The following NWD2 variants were observed in gnomAD, a reference collection of about 807,000 sequenced individuals.
NWD2 encodes NACHT and WD repeat domain-containing protein 2.
NWD2 carries 37 observed loss-of-function variants against 132.7 expected under a neutral mutation model. That is an observed-to-expected ratio of 0.28 (90% CI 0.21 to 0.37). The LOEUF is 0.37. Ranked by LOEUF, NWD2 falls within the 10% of genes least tolerant of loss-of-function variation. The pLI is 1.00. For missense variants in NWD2, 1,592 were observed against 2,122.4 expected (o/e 0.75, Z 4.91); for synonymous variants, 705 against 803.0 (o/e 0.88, Z 2.06).
chr4:37,394,146 A>T (rs1218604492), intron 3 of NWD2, among the ~76,000 whole-genome samples: 1 of 152,262 alleles, frequency 6.6e-6, no homozygotes, highest in Admixed American at 6.5e-5. Flanking sequence ...TCTATCTAGC[A>T]TCTGTTTAGA....
intron 3 of NWD2, among the ~76,000 whole-genome samples, chr4:37,400,806 G>A (rs1720883000): frequency 6.6e-6 from 1 of 152,128 alleles, no homozygotes; most frequent in South Asian, 2.1e-4. Flanking sequence ...GTTTTGCTGT[G>A]GTTCTTACGT....
intron 1 of NWD2, among the ~76,000 whole-genome samples, chr4:37,292,416 C>G (rs1211648914): frequency 6.6e-6 from 1 of 152,172 alleles, no homozygotes; most frequent in Non-Finnish European, 1.5e-5. Flanking sequence ...GAGGCACCAT[C>G]TATGAAGCGG....
intron 2 of NWD2, among the ~76,000 whole-genome samples, chr4:37,326,900 A>T (rs73130330): frequency 0.11 from 17,338 of 152,118 alleles, 1,090 homozygotes; most frequent in East Asian, 0.2. Context: ...TATACTCCTG[A>T]TGCCTTCTAA....
At position 37,245,008 on chromosome 4, in the gene NWD2, G is replaced by C; in HGVS notation, c.-60G>C. 1 of 1,535,028 alleles carries C rather than the reference G, an allele frequency of 6.5e-7. No individual in the cohort carries two copies. Among genetic ancestry groups the C allele is most frequent in the South Asian group, 1.2e-5 (1 of 83,402 alleles). On this transcript the variant is annotated 5_prime_UTR_variant, in exon 1 of 7. Transcript: ENST00000309447. ...GCTGAGCCGTTCCGTGGAGCTGCGGGCAGGAACCCGAGGAGCAGGAGGTGG... is the reference window on the plus strand; with the variant it reads ...GCTGAGCCGTTCCGTGGAGCTGCGGCCAGGAACCCGAGGAGCAGGAGGTGG...
At chr4:37,409,237 A>G (rs1263684160) in intron 3 of NWD2, among the ~76,000 whole-genome samples, 1 of 152,160 alleles carries the variant, frequency 6.6e-6, no homozygotes, top group Non-Finnish European at 1.5e-5. Flanking sequence ...GTTCTAACCC[A>G]TCACAAGGAA....
rs185123286 is a variant in NWD2 at position 37,275,482 on chromosome 4, G to A, written c.151+30264G>A. 6.2e-3 allele frequency among the ~76,000 whole-genome samples: 936 copies of A among 152,186 alleles called. 16 individuals carry two copies. Among genetic ancestry groups the A allele is most frequent in the Middle Eastern group, 0.024 (7 of 294 alleles). On this transcript the variant is annotated intron_variant, in intron 1 of 6. Coordinates refer to ENST00000309447, the MANE Select transcript of NWD2 (RefSeq NM_001144990.2). Reference sequence around the variant, plus strand: ...CTCATGGGTAGGAAGAATCAATATCGTGAAAATGGCCATACTGCCCAAGGT... The same window carrying A: ...CTCATGGGTAGGAAGAATCAATATCATGAAAATGGCCATACTGCCCAAGGT...
chr4:37,420,857 A>G (rs767966048), intron 3 of NWD2, among the ~76,000 whole-genome samples: 2 of 152,132 alleles, frequency 1.3e-5, no homozygotes, highest in Non-Finnish European at 2.9e-5. Context: ...ATCACCCTAA[A>G]AGGTTAAGTA....
rs182359206 is a variant in NWD2, at chr4:37,427,928, C to T, written c.358-2644C>T. Among the ~76,000 whole-genome samples the T allele has an allele frequency of 6.7e-4, 102 of 152,324 alleles. 1 individual carries two copies. The highest frequency in any genetic ancestry group is 2.1e-3 in the African/African-American group (86 of 41,568). On this transcript the variant is annotated intron_variant, in intron 3 of 6. Coordinates refer to ENST00000309447, the MANE Select transcript of NWD2 (RefSeq NM_001144990.2). ...GGTACCTTCCCAAATTGTTACTCTA[C>T]CTATTGAGAGCTGAACTATTTTATT...
intron 6 of NWD2, among the ~76,000 whole-genome samples, chr4:37,442,073 G>A (rs1181498022): frequency 1.3e-5 from 2 of 152,154 alleles, no homozygotes; most frequent in Non-Finnish European, 2.9e-5. Flanking sequence ...CAAAGGTTGA[G>A]GCTAAACAAC....
At chr4:37,441,834 A>G (rs1712493678) in intron 6 of NWD2, among the ~76,000 whole-genome samples, 1 of 152,074 alleles carries the variant, frequency 6.6e-6, no homozygotes, top group Admixed American at 6.5e-5. Flanking sequence ...ATGCAGATAG[A>G]TATCTCATTT....
chr4:37,266,431 C>T lies in NWD2; in HGVS notation c.151+21213C>T, dbSNP rs561782263. 2.8e-4 allele frequency among the ~76,000 whole-genome samples: 42 copies of T among 152,166 alleles called. 1 individual carries two copies. In the South Asian group the frequency reaches 8.7e-3, roughly 32 times the overall value. On this transcript the variant is annotated intron_variant, in intron 1 of 6. Transcript: ENST00000309447. Reference sequence around the variant, plus strand: ...ACTTTGGCAGTAGTCGATGTAGCTACAGGTTACTTCAAGCTTACAGTTTTA... The same window carrying T: ...ACTTTGGCAGTAGTCGATGTAGCTATAGGTTACTTCAAGCTTACAGTTTTA...
At chr4:37,274,549 G>C (rs944353111) in intron 1 of NWD2, among the ~76,000 whole-genome samples, 1 of 152,082 alleles carries the variant, frequency 6.6e-6, no homozygotes, top group Non-Finnish European at 1.5e-5. Flanking sequence ...CCAATCAATA[G>C]AAAAAGAGGG....
In NWD2 at chr4:37,392,930, C is replaced by T. The variant is rs554840639; in HGVS notation, c.357+36448C>T. Among the ~76,000 whole-genome samples, 5 of 152,246 alleles carry T rather than the reference C, an allele frequency of 3.3e-5. No individual in the cohort carries two copies. In the East Asian group the frequency reaches 7.7e-4, roughly 24 times the overall value. On this transcript the variant is annotated intron_variant, in intron 3 of 6. Coordinates refer to ENST00000309447, the MANE Select transcript of NWD2 (RefSeq NM_001144990.2). Reference sequence around the variant, plus strand: ...GGACCATGGCAGTCTCTCATTCACCCTAGGATGTCTGTGAATGTTGTGGAC... The same window carrying T: ...GGACCATGGCAGTCTCTCATTCACCTTAGGATGTCTGTGAATGTTGTGGAC...
chr4:37,395,606 A>AAAAAAAAAAAAAAAAAAAAAC (rs1560411980), intron 3 of NWD2, among the ~76,000 whole-genome samples: 1 of 148,938 alleles, frequency 6.7e-6, no homozygotes. Flanking sequence ...AAAAAAAAAA[A>AAAAAAAAAAAAAAAAAAAAAC]AAAGAGTCTG....
At chr4:37,402,165 G>GCCAC (rs1720908693) in intron 3 of NWD2, among the ~76,000 whole-genome samples, 1 of 152,152 alleles carries the variant, frequency 6.6e-6, no homozygotes, top group Non-Finnish European at 1.5e-5. Context: ...AGCAAGAAGG[G>GCCAC]CCACACCAGA....
chr4:37,248,394 G>A (rs1357892428), intron 1 of NWD2, among the ~76,000 whole-genome samples: 2 of 152,154 alleles, frequency 1.3e-5, no homozygotes, highest in African/African-American at 4.8e-5. Flanking sequence ...ATCTGCCTCT[G>A]ACTAGTCCCC....
chr4:37,371,474 T>A (rs1189377560), intron 3 of NWD2, among the ~76,000 whole-genome samples: 1 of 152,244 alleles, frequency 6.6e-6, no homozygotes, highest in African/African-American at 2.4e-5. Flanking sequence ...TTAAACAGTT[T>A]CTTCAGTAAA....
intron 3 of NWD2, among the ~76,000 whole-genome samples, chr4:37,375,566 CTT>C (rs34055055): frequency 3.8e-5 from 5 of 130,204 alleles, no homozygotes; most frequent in Middle Eastern, 3.6e-3. Context: ...CTGGAATTCA[CTT>C]TTTTTTTTTT....
chr4:37,310,351 A>G (rs2109280458), intron 1 of NWD2, among the ~76,000 whole-genome samples: 1 of 152,286 alleles, frequency 6.6e-6, no homozygotes, highest in Non-Finnish European at 1.5e-5. Flanking sequence ...TTGCAAATTT[A>G]TTTACCTTGG....
Sources: allele counts gnomAD v4.1 joint callset (sites outside exome capture counted in the v4.1 genomes callset), GRCh38; gene constraint gnomAD v4.1.1; transcripts MANE v1.5; gene names NCBI Gene and HGNC (gene_info 2026-07-23, HGNC 2026-07-21).